The following CALHM5 variants were observed in gnomAD, a reference collection of about 807,000 sequenced individuals.
The protein encoded by CALHM5 is calcium homeostasis modulator protein 5.
In CALHM5, 17 loss-of-function variants were observed where a neutral mutation model predicts 20.9. The observed-to-expected ratio is 0.82, with a 90% CI of 0.56 to 1.22. The LOEUF (loss-of-function observed/expected upper bound fraction) is 1.22. Among genes scored for constraint, CALHM5 ranks in the 50% most tolerant of loss-of-function variants. The pLI is 0.00. For synonymous variants in CALHM5, 148 were observed against 140.0 expected (o/e 1.06, Z -0.40); for missense variants, 360 against 364.6 (o/e 0.99, Z 0.10).
intron 1 of CALHM5, among the ~76,000 whole-genome samples, chr6:116,515,278 T>C (rs2115167868): frequency 6.6e-6 from 1 of 152,352 alleles, no homozygotes; most frequent in Middle Eastern, 3.4e-3. Context: ...CTATCAGAGC[T>C]AATACTATTT....
chr6:116,517,407 A>G lies in CALHM5; in HGVS notation c.*1418A>G, dbSNP rs1772249493. ...TATGTACATATATATGTGTATGTATATATGTACATAAATTCTCCTTAAATC... is the reference window on the plus strand; with the variant it reads ...TATGTACATATATATGTGTATGTATGTATGTACATAAATTCTCCTTAAATC... On this transcript the variant is annotated 3_prime_UTR_variant, in exon 2 of 2. Transcript: ENST00000368599. 1.3e-5 allele frequency: 2 copies of G among 152,192 alleles called. No homozygotes were observed. The highest frequency in any genetic ancestry group is 1.5e-5 in the Non-Finnish European group (1 of 68,032). The allele number at this position is 152,192 out of a possible 1,614,324, so 9.4% of individuals were successfully genotyped here.
Position 116,512,187 on chromosome 6 carries a change from T to A in CALHM5, c.491T>A (p.Leu164Gln). The A allele has an allele frequency of 6.2e-7, 1 of 1,609,554 alleles. No individual in the cohort carries two copies. The highest frequency in any genetic ancestry group is 8.5e-7 in the Non-Finnish European group (1 of 1,179,852). Residue 164 changes from leucine to glutamine, a missense_variant, in exon 1 of 2, where the codon CTA becomes CAA. Coordinates refer to ENST00000368599, the MANE Select transcript of CALHM5 (RefSeq NM_153711.5). The stretch of plus-strand genomic sequence containing the variant: ...GTATCTTGTGGCAAAACTAGCATGC[T>A]ACCTACCGTCAATGAAGAACTGAAA... ...HKVSCGKTSM[L>Q]PTVNEELKLS... is the part of the protein sequence containing the mutation.
rs1463177806 is a variant in CALHM5 at position 116,517,823 on chromosome 6, C to T, written c.*1834C>T. The T allele has an allele frequency of 6.6e-6, 1 of 152,124 alleles. No homozygotes were observed. The highest frequency in any genetic ancestry group is 1.9e-4 in the East Asian group (1 of 5,194). The allele number at this position is 152,124 out of a possible 1,614,324, so 9.4% of individuals were successfully genotyped here. ...GGAACTTTCAGCCCCACTCCCAGAC[C>T]TTGGGGAAGGAAGAGGGGCTGAAGG... On this transcript the variant is annotated 3_prime_UTR_variant, in exon 2 of 2. Transcript: ENST00000368599.
At position 116,519,333 on chromosome 6, in the gene CALHM5, A is replaced by G. The variant is rs1002789461; in HGVS notation, c.*3344A>G. On this transcript the variant is annotated 3_prime_UTR_variant, in exon 2 of 2. Coordinates refer to ENST00000368599, the MANE Select transcript of CALHM5 (RefSeq NM_153711.5). ...TGGGACTTCAGCCTCAGCTTGACCT[A>G]TGGGGGGGCTCTGGAATGTCAGATT... 1 of 121,214 alleles carries G rather than the reference A, an allele frequency of 8.2e-6. No individual in the cohort carries two copies. Among genetic ancestry groups the G allele is most frequent in the African/African-American group, 2.6e-5 (1 of 39,118 alleles). 7.5% of individuals were successfully genotyped at this position (121,214 alleles called of 1,614,324 possible).
In CALHM5 at chr6:116,515,895, G is replaced by T. The variant is rs780134265; in HGVS notation, c.836G>T (p.Ser279Ile). 1 of 1,613,912 alleles carries T rather than the reference G, an allele frequency of 6.2e-7. No homozygotes were observed. The highest frequency in any genetic ancestry group is 8.5e-7 in the Non-Finnish European group (1 of 1,179,910). Residue 279 changes from serine to isoleucine, a missense_variant, in exon 2 of 2, where the codon AGC becomes ATC. Physicochemically the swap from Ser to Ile is moderately radical, Grantham distance 142. Coordinates refer to ENST00000368599, the MANE Select transcript of CALHM5 (RefSeq NM_153711.5). ...HSFHQSQQHYSTLHRVVDNGL... is the reference protein window; with the variant it reads ...HSFHQSQQHYITLHRVVDNGL... Reference sequence around the variant, plus strand: ...TTCCACCAAAGCCAGCAACACTATAGCACCCTCCACAGAGTGGTGGACAAT... The same window carrying T: ...TTCCACCAAAGCCAGCAACACTATATCACCCTCCACAGAGTGGTGGACAAT...
rs1376630677 is a variant in CALHM5, at chr6:116,522,159, G to A, written c.*6170G>A. On this transcript the variant is annotated 3_prime_UTR_variant, in exon 2 of 2. Transcript: ENST00000368599. ...TGTACACGACATGGAGAAGAACCAG[G>A]AAGTCCAACCAACAGTGAGAATAAA... 1 of 152,258 alleles carries A rather than the reference G, an allele frequency of 6.6e-6. No homozygotes were observed. The highest frequency in any genetic ancestry group is 1.9e-4 in the East Asian group (1 of 5,200). 9.4% of individuals were successfully genotyped at this position (152,258 alleles called of 1,614,324 possible).
chr6:116,511,851 T>G lies in CALHM5; in HGVS notation c.155T>G (p.Leu52Arg). 7 of 1,614,130 alleles carry G rather than the reference T, an allele frequency of 4.3e-6. No homozygotes were observed. Among genetic ancestry groups the G allele is most frequent in the Non-Finnish European group, 5.9e-6 (7 of 1,180,004 alleles). The stretch of plus-strand genomic sequence containing the variant: ...AGCACTGAGAATATGACCTATGGGC[T>G]GGTTTTCCTCTTTGCTCCTGCCTGG... ...PCSTENMTYG[L>R]VFLFAPAWVL... The change falls in exon 1 of 2, where the codon CTG becomes CGG. Residue 52 changes from leucine (L) to arginine (R), a missense_variant. Leu to Arg is a moderately radical substitution (Grantham distance 102). Transcript: ENST00000368599.
rs992971061 is a variant in CALHM5 at position 116,518,958 on chromosome 6, A to C, written c.*2969A>C. On this transcript the variant is annotated 3_prime_UTR_variant, in exon 2 of 2. Transcript: ENST00000368599. ...CATCCTGACTCCTAAATTCCTTAAC[A>C]GTCCTTTACTCAGGAATAAAACAAG... is the stretch of plus-strand genomic sequence containing the variant. 1 of 152,228 alleles carries C rather than the reference A, an allele frequency of 6.6e-6. No homozygotes were observed. Among genetic ancestry groups the C allele is most frequent in the African/African-American group, 2.4e-5 (1 of 41,456 alleles). The allele number at this position is 152,228 out of a possible 1,614,324, so 9.4% of individuals were successfully genotyped here.
intron 1 of CALHM5, among the ~76,000 whole-genome samples, chr6:116,515,356 T>C (rs1772202146): frequency 6.6e-6 from 1 of 152,214 alleles, no homozygotes; most frequent in Admixed American, 6.6e-5. Flanking sequence ...TGCCTTCTGG[T>C]TATTTCTTTG....
chr6:116,512,830 T>C (rs1205086864), intron 1 of CALHM5, among the ~76,000 whole-genome samples: 1 of 152,236 alleles, frequency 6.6e-6, no homozygotes, highest in East Asian at 1.9e-4. Context: ...AATAGCCTTC[T>C]GTGAAAAAGT....
rs1389185379 is a variant in CALHM5, at chr6:116,524,289, T to C, written c.*8300T>C. The C allele has an allele frequency of 6.6e-6, 1 of 152,216 alleles. No homozygotes were observed. Among genetic ancestry groups the C allele is most frequent in the African/African-American group, 2.4e-5 (1 of 41,452 alleles). 9.4% of individuals were successfully genotyped at this position (152,216 alleles called of 1,614,324 possible). A position where few individuals can be genotyped will look rare whatever the true frequency, so the allele number is the denominator to read the frequency against. On this transcript the variant is annotated 3_prime_UTR_variant, in exon 2 of 2. Coordinates refer to ENST00000368599, the MANE Select transcript of CALHM5 (RefSeq NM_153711.5). The stretch of plus-strand genomic sequence containing the variant: ...ACATTATTCTCTTTACATTTGTATA[T>C]GTTTGAAAAATTTCATAAGGTACAC...
In CALHM5 at chr6:116,522,697, G is replaced by GA. The variant is rs1171648244; in HGVS notation, c.*6714dup. 1 of 152,102 alleles carries GA rather than the reference G, an allele frequency of 6.6e-6. No individual in the cohort carries two copies. Among genetic ancestry groups the GA allele is most frequent in the East Asian group, 1.9e-4 (1 of 5,178 alleles). 9.4% of individuals were successfully genotyped at this position (152,102 alleles called of 1,614,324 possible). A position where few individuals can be genotyped will look rare whatever the true frequency, so the allele number is the denominator to read the frequency against. ...ACTATTATTTGTCATTAATATCTAC[G>GA]AAAAAATAGCAAGTGAGGGTTTCAG... On this transcript the variant is annotated 3_prime_UTR_variant, in exon 2 of 2. Coordinates refer to ENST00000368599, the MANE Select transcript of CALHM5 (RefSeq NM_153711.5).
Position 116,516,332 on chromosome 6 carries a change from C to A in CALHM5, c.*343C>A. 1 of 185,338 alleles carries A rather than the reference C, an allele frequency of 5.4e-6. No individual in the cohort carries two copies. The allele number at this position is 185,338 out of a possible 1,614,324, so 11.5% of individuals were successfully genotyped here. ...TGGTTGCAGAATTTAGGGGCAGAAG[C>A]AATGGCTTGTGAGTGAGCAAGTTAC... On this transcript the variant is annotated 3_prime_UTR_variant, in exon 2 of 2. Coordinates refer to ENST00000368599, the MANE Select transcript of CALHM5 (RefSeq NM_153711.5).
Position 116,524,314 on chromosome 6 carries a change from C to T in CALHM5, c.*8325C>T, listed in dbSNP as rs1037897300. On this transcript the variant is annotated 3_prime_UTR_variant, in exon 2 of 2. Transcript: ENST00000368599. ...TGTTTGAAAAATTTCATAAGGTACA[C>T]AACAAAATAAATGACATGGTCACCT... 29 of 152,194 alleles carry T rather than the reference C, an allele frequency of 1.9e-4. No individual in the cohort carries two copies. Among genetic ancestry groups the T allele is most frequent in the African/African-American group, 6.8e-4 (28 of 41,440 alleles). The allele number at this position is 152,194 out of a possible 1,614,324, so 9.4% of individuals were successfully genotyped here. A position where few individuals can be genotyped will look rare whatever the true frequency, so the allele number is the denominator to read the frequency against.
chr6:116,512,586 A>G (rs1772145850), intron 1 of CALHM5, among the ~76,000 whole-genome samples: 2 of 152,252 alleles, frequency 1.3e-5, no homozygotes, highest in South Asian at 4.1e-4. Context: ...GTAATTAGAA[A>G]TTACTGCCTT....
Position 116,516,708 on chromosome 6 carries a change from T to TAC in CALHM5, c.*729_*730dup, listed in dbSNP as rs796580006. The TAC allele has an allele frequency of 1.4e-3, 168 of 119,554 alleles. 2 individuals are homozygous for TAC. Among genetic ancestry groups the TAC allele is most frequent in the South Asian group, 9.2e-3 (33 of 3,602 alleles). The allele number at this position is 119,554 out of a possible 1,614,324, so 7.4% of individuals were successfully genotyped here. ...ATATATATATATATATATATATATA[T>TAC]ACACACACACAGAAATATATATTTA... On this transcript the variant is annotated 3_prime_UTR_variant, in exon 2 of 2. Coordinates refer to ENST00000368599, the MANE Select transcript of CALHM5 (RefSeq NM_153711.5).
chr6:116,524,089 A>C lies in CALHM5; in HGVS notation c.*8100A>C, dbSNP rs941607850. 4 of 152,196 alleles carry C rather than the reference A, an allele frequency of 2.6e-5. No individual in the cohort carries two copies. The highest frequency in any genetic ancestry group is 4.8e-5 in the African/African-American group (2 of 41,456). The allele number at this position is 152,196 out of a possible 1,614,324, so 9.4% of individuals were successfully genotyped here. A position where few individuals can be genotyped will look rare whatever the true frequency, so the allele number is the denominator to read the frequency against. On this transcript the variant is annotated 3_prime_UTR_variant, in exon 2 of 2. Coordinates refer to ENST00000368599, the MANE Select transcript of CALHM5 (RefSeq NM_153711.5). ...GGTGTGCCGATTTATGTTTTTTAAA[A>C]AGTTCTTCAGTTAGAGATGTATATT...
chr6:116,515,412 C>T (rs1319077868), intron 1 of CALHM5, among the ~76,000 whole-genome samples, 188 bp from the exon 2 acceptor site: 1 of 152,136 alleles, frequency 6.6e-6, no homozygotes, highest in African/African-American at 2.4e-5. Context: ...TAAACCCTAA[C>T]TTTATTTTGA....
chr6:116,523,659 G>A lies in CALHM5; in HGVS notation c.*7670G>A, dbSNP rs1562343476. The A allele has an allele frequency of 6.6e-6, 1 of 152,182 alleles. No homozygotes were observed. The highest frequency in any genetic ancestry group is 1.5e-5 in the Non-Finnish European group (1 of 68,032). The allele number at this position is 152,182 out of a possible 1,614,324, so 9.4% of individuals were successfully genotyped here. A position where few individuals can be genotyped will look rare whatever the true frequency, so the allele number is the denominator to read the frequency against. ...CACTAAAAATCAAAGCAGATGCTAC[G>A]TGCCTTATGATGCAAGGCAAGAATA... On this transcript the variant is annotated 3_prime_UTR_variant, in exon 2 of 2. Transcript: ENST00000368599.
Sources: allele counts gnomAD v4.1 joint callset (sites outside exome capture counted in the v4.1 genomes callset), GRCh38; gene constraint gnomAD v4.1.1; transcripts MANE v1.5; gene names NCBI Gene and HGNC (gene_info 2026-07-23, HGNC 2026-07-21).